The following LRFN5 variants were observed in gnomAD, a reference collection of about 807,000 sequenced individuals.
LRFN5 encodes the protein leucine rich repeat and fibronectin type III domain containing 5, also known as leucine-rich repeat and fibronectin type-III domain-containing protein 5.
In LRFN5, 24 loss-of-function variants were observed where a neutral mutation model predicts 45.6. The ratio of observed to expected loss-of-function variants is 0.53; its 90% CI spans 0.38 to 0.74. The LOEUF is 0.74. Among genes scored for constraint, LRFN5 ranks in the 30% least tolerant of loss-of-function variants. The pLI is 0.00. For missense variants in LRFN5, 776 were observed against 861.5 expected (o/e 0.90, Z 1.24); for synonymous variants, 340 against 313.8 (o/e 1.08, Z -0.88).
intron 3 of LRFN5, among the ~76,000 whole-genome samples, chr14:41,890,111 G>C (rs1445603815): frequency 6.6e-6 from 1 of 152,032 alleles, no homozygotes; most frequent in African/African-American, 2.4e-5. Context: ...TGATCCACCT[G>C]CCTTGGCCTC....
chr14:41,698,585 C>T (rs1882711464), intron 1 of LRFN5, among the ~76,000 whole-genome samples: 1 of 151,890 alleles, frequency 6.6e-6, no homozygotes, highest in African/African-American at 2.4e-5. Context: ...TCTTGTGCAG[C>T]CAAGGTTGAG....
intron 2 of LRFN5, among the ~76,000 whole-genome samples, chr14:41,795,834 G>A (rs1181558535): frequency 6.6e-6 from 1 of 151,866 alleles, no homozygotes; most frequent in Non-Finnish European, 1.5e-5. Flanking sequence ...TAAATGACGA[G>A]TTAATGGGTG....
rs117521908 is a variant in LRFN5, at chr14:41,775,384, G to T, written c.-21+8355G>T. 9.7e-4 allele frequency among the ~76,000 whole-genome samples: 147 copies of T among 152,114 alleles called. 4 individuals carry two copies. In the East Asian group the frequency reaches 0.028, roughly 28 times the overall value. On this transcript the variant is annotated intron_variant, in intron 2 of 5. Coordinates refer to ENST00000298119, the MANE Select transcript of LRFN5 (RefSeq NM_152447.5). ...TATTACAGGCAAGCCACCGCACCCGGCAGTTGCTACTTTTTAAGCAACTAT... is the reference window on the plus strand; with the variant it reads ...TATTACAGGCAAGCCACCGCACCCGTCAGTTGCTACTTTTTAAGCAACTAT...
chr14:41,876,699 C>A (rs1167723846), intron 2 of LRFN5, among the ~76,000 whole-genome samples: 1 of 152,022 alleles, frequency 6.6e-6, no homozygotes, highest in Non-Finnish European at 1.5e-5. Flanking sequence ...TACCTACCTG[C>A]CCTCTCTTTC....
intron 1 of LRFN5, among the ~76,000 whole-genome samples, chr14:41,684,416 C>T (rs1238065445): frequency 6.6e-6 from 1 of 152,130 alleles, no homozygotes; most frequent in Admixed American, 6.6e-5. Flanking sequence ...GGAAGTAAGG[C>T]GCCTTCTTTA....
At chr14:41,677,760 A>T (rs2138677935) in intron 1 of LRFN5, among the ~76,000 whole-genome samples, 1 of 152,242 alleles carries the variant, frequency 6.6e-6, no homozygotes, top group East Asian at 1.9e-4. Flanking sequence ...ACCATTAGAC[A>T]TACAATATAT....
intron 2 of LRFN5, among the ~76,000 whole-genome samples, chr14:41,865,603 A>T (rs1247638171): frequency 3.3e-5 from 5 of 152,194 alleles, no homozygotes; most frequent in Admixed American, 3.3e-4. Context: ...ATGTTAAGTC[A>T]TATGGTAACC....
At chr14:41,757,929 G>C (rs1042539267) in intron 1 of LRFN5, among the ~76,000 whole-genome samples, 4 of 152,106 alleles carry the variant, frequency 2.6e-5, no homozygotes, top group African/African-American at 9.7e-5. Context: ...TACCCATATA[G>C]AGTGAGCTAT....
At chr14:41,796,440 G>T (rs1181839031) in intron 2 of LRFN5, among the ~76,000 whole-genome samples, 7 of 151,898 alleles carry the variant, frequency 4.6e-5, no homozygotes, top group Non-Finnish European at 7.4e-5. Context: ...GATTTTTAAT[G>T]TAAGTGAATT....
chr14:41,827,265 A>G (rs973449967), intron 2 of LRFN5, among the ~76,000 whole-genome samples: 11 of 152,234 alleles, frequency 7.2e-5, no homozygotes, highest in Admixed American at 5.9e-4. Flanking sequence ...ACATAAAAGC[A>G]TAGCTATTAA....
chr14:41,804,470 A>C (rs1214481665), intron 2 of LRFN5, among the ~76,000 whole-genome samples: 2 of 152,154 alleles, frequency 1.3e-5, no homozygotes, highest in Admixed American at 6.5e-5. Context: ...GGGAAGTTGC[A>C]AATCTTGTGA....
At chr14:41,653,622 T>A (rs561732139) in intron 1 of LRFN5, among the ~76,000 whole-genome samples, 1 of 152,140 alleles carries the variant, frequency 6.6e-6, no homozygotes, top group Non-Finnish European at 1.5e-5. Context: ...AAGTTTAGAT[T>A]TTATTTTAAG....
At chr14:41,622,662 A>G (rs1888177035) in intron 1 of LRFN5, among the ~76,000 whole-genome samples, 2 of 152,148 alleles carry the variant, frequency 1.3e-5, no homozygotes, top group Admixed American at 1.3e-4. Context: ...AAAATATAGT[A>G]AAATTATAGA....
chr14:41,662,255 T>C (rs1206069352), intron 1 of LRFN5, among the ~76,000 whole-genome samples: 13 of 152,056 alleles, frequency 8.5e-5, no homozygotes, highest in African/African-American at 3.1e-4. Context: ...TAGTTAGTTA[T>C]TCATGACATT....
At chr14:41,871,649 T>C (rs530562824) in intron 2 of LRFN5, among the ~76,000 whole-genome samples, 12 of 152,008 alleles carry the variant, frequency 7.9e-5, no homozygotes, top group Non-Finnish European at 1.0e-4. Flanking sequence ...AAATAGCACA[T>C]ACTTATTGTT....
chr14:41,668,280 TC>T (rs896962278), intron 1 of LRFN5, among the ~76,000 whole-genome samples: 1 of 152,128 alleles, frequency 6.6e-6, no homozygotes, highest in Non-Finnish European at 1.5e-5. Context: ...AAAATAAGCC[TC>T]TTTTATATTT....
intron 1 of LRFN5, among the ~76,000 whole-genome samples, chr14:41,675,516 T>C (rs1335801492): frequency 1.3e-5 from 2 of 152,014 alleles, no homozygotes; most frequent in Non-Finnish European, 2.9e-5. Context: ...GGCAGGAGAA[T>C]CAGGCAGGGA....
intron 2 of LRFN5, among the ~76,000 whole-genome samples, chr14:41,866,043 A>G (rs1340254488): frequency 6.6e-6 from 1 of 152,168 alleles, no homozygotes; most frequent in Non-Finnish European, 1.5e-5. Flanking sequence ...TTTGATGCAC[A>G]AAAGGTTTAA....
rs147282044 is a variant in LRFN5 at position 41,883,963 on chromosome 14, T to G, written c.-20-2643T>G. Among the ~76,000 whole-genome samples, 154 of 152,306 alleles carry G rather than the reference T, an allele frequency of 1.0e-3. 1 individual carries two copies. The highest frequency in any genetic ancestry group is 3.5e-3 in the African/African-American group (144 of 41,572). ...CAGGTCATTGGATTTTTGTTCCCTTTCCTTTCATCCCTTTTTATCAGTATT... is the reference window on the plus strand; with the variant it reads ...CAGGTCATTGGATTTTTGTTCCCTTGCCTTTCATCCCTTTTTATCAGTATT... On this transcript the variant is annotated intron_variant, in intron 2 of 5. Transcript: ENST00000298119.
Sources: gnomAD v4.1 joint callset for allele counts (sites outside exome capture counted in the v4.1 genomes callset) on GRCh38, gnomAD v4.1.1 for gene constraint, MANE v1.5 for transcripts, NCBI Gene and HGNC (gene_info 2026-07-23, HGNC 2026-07-21) for gene names.